The following PDE4D variants were observed in gnomAD, a reference collection of about 807,000 sequenced individuals.
PDE4D encodes the protein 3',5'-cyclic-AMP phosphodiesterase 4D.
PDE4D carries 24 observed loss-of-function variants against 87.4 expected under a neutral mutation model. That is an observed-to-expected ratio of 0.27 (90% CI 0.20 to 0.39). PDE4D has a LOEUF of 0.39. Among genes scored for constraint, PDE4D ranks in the 10% least tolerant of loss-of-function variants. The pLI, the probability that PDE4D is intolerant of heterozygous loss-of-function variation, is 1.00. For missense variants in PDE4D, 714 were observed against 1,041.0 expected (o/e 0.69, Z 4.32); for synonymous variants, 384 against 383.2 (o/e 1.00, Z -0.02).
intron 1 of PDE4D, among the ~76,000 whole-genome samples, chr5:60,496,182 A>T (rs553921655): frequency 2.0e-5 from 3 of 152,286 alleles, no homozygotes; most frequent in South Asian, 4.1e-4. Context: ...GCCGTTCAGG[A>T]AATCTTCTGT....
At chr5:59,931,694 C>CTTTTTTTTTTTT (rs35943138) in intron 3 of PDE4D, among the ~76,000 whole-genome samples, 9 of 126,594 alleles carry the variant, frequency 7.1e-5, no homozygotes, top group Admixed American at 1.7e-4. Context: ...TCTTCTTCTT[C>CTTTTTTTTTTTT]TTTTTTTTTT....
At chr5:59,349,751 T>G (rs1202804721) in intron 1 of PDE4D, among the ~76,000 whole-genome samples, 2 of 152,248 alleles carry the variant, frequency 1.3e-5, no homozygotes, top group South Asian at 2.1e-4. Flanking sequence ...TTTCTTCTTT[T>G]GTCACCTTGA....
At chr5:59,009,052 A>AAATACAAAATACAAAC (rs1752238713) in intron 6 of PDE4D, among the ~76,000 whole-genome samples, 1 of 152,134 alleles carries the variant, frequency 6.6e-6, no homozygotes, top group African/African-American at 2.4e-5. Flanking sequence ...AGAATGTATA[A>AAATACAAAATACAAAC]AATACAAAAT....
intron 1 of PDE4D, chr5:59,529,045 C>T (rs1196159837): frequency 4.3e-6 from 2 of 465,052 alleles, no homozygotes; most frequent in African/African-American, 2.0e-5. Flanking sequence ...AAGGGCTCAT[C>T]GAAGATCTTG....
intron 1 of PDE4D, among the ~76,000 whole-genome samples, chr5:59,600,081 A>C (rs1476063477): frequency 6.6e-6 from 1 of 152,058 alleles, no homozygotes; most frequent in African/African-American, 2.4e-5. Context: ...CAGCACCCCC[A>C]TCAAGGCCTT....
At chr5:59,824,104 C>T (rs34380238) in intron 1 of PDE4D, among the ~76,000 whole-genome samples, 35,914 of 151,718 alleles carry the variant, frequency 0.24, 5,028 homozygotes, top group Admixed American at 0.34. Context: ...GAAAGGCAAG[C>T]CACCTATGTA....
intron 1 of PDE4D, among the ~76,000 whole-genome samples, chr5:59,786,464 C>T (rs1191143421): frequency 6.6e-6 from 1 of 152,226 alleles, no homozygotes; most frequent in African/African-American, 2.4e-5. Flanking sequence ...CTCTACATCA[C>T]ATGAAGCATG....
At chr5:59,454,957 A>C (rs1022437069) in intron 1 of PDE4D, among the ~76,000 whole-genome samples, 2 of 152,198 alleles carry the variant, frequency 1.3e-5, no homozygotes, top group Non-Finnish European at 2.9e-5. Flanking sequence ...TATTTGGTGG[A>C]AGAAATTTCT....
At chr5:59,728,569 G>A (rs1046841385) in intron 1 of PDE4D, among the ~76,000 whole-genome samples, 1 of 152,000 alleles carries the variant, frequency 6.6e-6, no homozygotes, top group Non-Finnish European at 1.5e-5. Context: ...CTCACTCTTG[G>A]TGTTACTGTG....
intron 1 of PDE4D, among the ~76,000 whole-genome samples, chr5:60,404,253 G>C (rs1487530615): frequency 2.0e-5 from 3 of 150,940 alleles, no homozygotes; most frequent in Admixed American, 2.0e-4. Context: ...ACAATTAGTG[G>C]GTGGTATTTA....
At position 59,065,984 on chromosome 5, in the gene PDE4D, A is replaced by T. The variant is rs74879579; in HGVS notation, c.809-27013T>A. ...ATGGAGTTTCAAAGGTGGTCCCCAT[A>T]AAAGCATTTTTACCTTAAGCAAAGA... On this transcript the variant is annotated intron_variant, in intron 5 of 14. Transcript: ENST00000340635. Among the ~76,000 whole-genome samples the T allele has an allele frequency of 3.4e-3, 523 of 152,278 alleles. 3 individuals carry two copies. The East Asian group carries it at 0.045, about 13-fold the overall frequency.
intron 1 of PDE4D, among the ~76,000 whole-genome samples, chr5:60,401,350 T>A (rs532325700): frequency 1.6e-4 from 24 of 152,260 alleles, no homozygotes; most frequent in Middle Eastern, 3.4e-3. Flanking sequence ...CACTTCACAA[T>A]GAAAAATCTA....
chr5:59,860,494 A>G (rs1279215144), intron 1 of PDE4D, among the ~76,000 whole-genome samples: 1 of 152,194 alleles, frequency 6.6e-6, no homozygotes, highest in African/African-American at 2.4e-5. Context: ...AATAGCTACT[A>G]TTGTAATAAT....
At chr5:59,551,471 TCACACACACA>T (rs34301317) in intron 1 of PDE4D, among the ~76,000 whole-genome samples, 1 of 148,810 alleles carries the variant, frequency 6.7e-6, no homozygotes, top group Admixed American at 6.7e-5. Flanking sequence ...GCTACTTCAG[TCACACACACA>T]CACACACACA....
intron 1 of PDE4D, among the ~76,000 whole-genome samples, chr5:60,440,194 A>G (rs1290691774): frequency 2.0e-5 from 3 of 152,128 alleles, no homozygotes; most frequent in Non-Finnish European, 4.4e-5. Context: ...TTCTATACTT[A>G]TGCATCCAAA....
intron 1 of PDE4D, among the ~76,000 whole-genome samples, chr5:59,771,499 G>GAGAGAAGA (rs1554081503): frequency 9.6e-4 from 19 of 19,716 alleles, no homozygotes; most frequent in South Asian, 2.3e-3. Context: ...GAGAGAGAGA[G>GAGAGAAGA]AAGAAAGAAA....
At chr5:60,139,304 TC>T (rs1562141362) in intron 2 of PDE4D, among the ~76,000 whole-genome samples, 1 of 152,120 alleles carries the variant, frequency 6.6e-6, no homozygotes, top group African/African-American at 2.4e-5. Flanking sequence ...ATCAGGTTTT[TC>T]TCAAGATCTA....
intron 1 of PDE4D, among the ~76,000 whole-genome samples, chr5:60,360,882 AATC>A (rs1760003623): frequency 6.6e-6 from 1 of 152,226 alleles, no homozygotes; most frequent in South Asian, 2.1e-4. Context: ...CTCCACGACT[AATC>A]ATCAAGTGAG....
rs374818591 is a variant in PDE4D, at chr5:59,045,012, C to CAAGA, written c.809-6045_809-6042dup. 1.9e-3 allele frequency among the ~76,000 whole-genome samples: 296 copies of CAAGA among 152,246 alleles called. 2 individuals are homozygous for CAAGA. Among genetic ancestry groups the CAAGA allele is most frequent in the African/African-American group, 6.9e-3 (287 of 41,532 alleles). On this transcript the variant is annotated intron_variant, in intron 5 of 14. Coordinates refer to ENST00000340635, the MANE Select transcript of PDE4D (RefSeq NM_001104631.2). The stretch of plus-strand genomic sequence containing the variant: ...TGCACTTTATTAGAGGCTGCAGAAA[C>CAAGA]AAGATGATGAAAAGAGTGTGTCCCT...
Sources: allele counts gnomAD v4.1 joint callset (sites outside exome capture counted in the v4.1 genomes callset), GRCh38; gene constraint gnomAD v4.1.1; transcripts MANE v1.5; gene names NCBI Gene and HGNC (gene_info 2026-07-23, HGNC 2026-07-21).